GLRB: variants seen among roughly 807,000 people sequenced by gnomAD.
The protein encoded by GLRB is glycine receptor subunit beta.
Under a neutral mutation model 54.2 loss-of-function variants are expected in GLRB, and 33 were observed. The observed-to-expected ratio is 0.61, with a 90% confidence interval of 0.46 to 0.81. The LOEUF (loss-of-function observed/expected upper bound fraction) is 0.81, where lower values mean the gene tolerates loss of function less well. Ranked by LOEUF, GLRB falls within the 40% of genes least tolerant of loss-of-function variation. The pLI, the probability that GLRB is intolerant of heterozygous loss-of-function variation, is 0.00. For synonymous variants in GLRB, 209 were observed against 208.2 expected (o/e 1.00, Z -0.03); for missense variants, 572 against 584.6 (o/e 0.98, Z 0.22).
intron 4 of GLRB, among the ~76,000 whole-genome samples, chr4:157,128,263 G>A (rs1213989706): frequency 6.6e-6 from 1 of 151,662 alleles, no homozygotes; most frequent in African/African-American, 2.4e-5. Context: ...GTACGTACAT[G>A]AAACTCAACA....
chr4:157,115,475 A>C (rs1735577422), intron 2 of GLRB, among the ~76,000 whole-genome samples: 1 of 151,676 alleles, frequency 6.6e-6, no homozygotes, highest in Non-Finnish European at 1.5e-5. Context: ...GGAATCTTCC[A>C]TCTAAAACCT....
intron 2 of GLRB, among the ~76,000 whole-genome samples, chr4:157,102,491 C>G (rs933116132): frequency 1.3e-5 from 2 of 152,086 alleles, no homozygotes; most frequent in Non-Finnish European, 2.9e-5. Flanking sequence ...CGGGGTTTAT[C>G]TGTCTTGTTG....
intron 4 of GLRB, among the ~76,000 whole-genome samples, chr4:157,133,688 T>A (rs546253160): frequency 1.3e-5 from 2 of 152,000 alleles, no homozygotes; most frequent in Non-Finnish European, 2.9e-5. Flanking sequence ...AATAAATGTT[T>A]TCTGAAAGTC....
In GLRB at chr4:157,170,713, G is replaced by T. The variant is rs2126638209; in HGVS notation, c.1479G>T (p.Trp493Cys). Reference sequence around the variant, plus strand: ...TCTTGTTCTTCAATGTTATATATTGGTCTATATATTTATGATAAATCTTTT... The same window carrying T: ...TCTTGTTCTTCAATGTTATATATTGTTCTATATATTTATGATAAATCTTTT... ...FCFLFFNVIY[W>C]SIYL is the part of the protein sequence containing the mutation. The change falls in exon 10 of 10, where the codon TGG becomes TGT. Residue 493 changes from tryptophan (W) to cysteine (C), a missense_variant. Trp to Cys is a radical substitution (Grantham distance 215). Coordinates refer to ENST00000264428, the MANE Select transcript of GLRB (RefSeq NM_000824.5). 6.6e-6 allele frequency: 10 copies of T among 1,519,258 alleles called. No individual in the cohort carries two copies. Among genetic ancestry groups the T allele is most frequent in the Non-Finnish European group, 9.0e-6 (10 of 1,112,392 alleles). 94.1% of individuals were successfully genotyped at this position (1,519,258 alleles called of 1,614,324 possible).
intron 2 of GLRB, among the ~76,000 whole-genome samples, chr4:157,086,024 T>A (rs1734398988): frequency 1.3e-5 from 2 of 152,118 alleles, no homozygotes; most frequent in African/African-American, 4.8e-5. Flanking sequence ...TGGAGTTCAG[T>A]GGTGTGATCA....
At chr4:157,163,000 A>G (rs1276697162) in intron 9 of GLRB, among the ~76,000 whole-genome samples, 1 of 152,174 alleles carries the variant, frequency 6.6e-6, no homozygotes, top group Admixed American at 6.5e-5. Flanking sequence ...TGAGCTTCTC[A>G]GCCACTTTGT....
At chr4:157,157,144 G>A (rs1245827580) in intron 9 of GLRB, among the ~76,000 whole-genome samples, 1 of 152,090 alleles carries the variant, frequency 6.6e-6, no homozygotes, top group African/African-American at 2.4e-5. Flanking sequence ...ACCCTCCAGG[G>A]CCCCCTGTGA....
intron 2 of GLRB, among the ~76,000 whole-genome samples, chr4:157,115,315 T>TA (rs34651220): frequency 0.22 from 31,769 of 147,494 alleles, 4,082 homozygotes; most frequent in African/African-American, 0.36. Flanking sequence ...ACCTGCTCTT[T>TA]AAAAAAAAAT....
chr4:157,148,017 C>T (rs2126592600), intron 8 of GLRB, among the ~76,000 whole-genome samples: 1 of 152,202 alleles, frequency 6.6e-6, no homozygotes, highest in Admixed American at 6.5e-5. Context: ...GATCCCTGGT[C>T]CATAGTATCA....
chr4:157,129,734 G>A (rs1453819212), intron 4 of GLRB, among the ~76,000 whole-genome samples: 1 of 151,388 alleles, frequency 6.6e-6, no homozygotes, highest in Non-Finnish European at 1.5e-5. Context: ...CAAAATAATT[G>A]GGGTAGAGAC....
chr4:157,127,483 T>C (rs1159002201), intron 4 of GLRB, among the ~76,000 whole-genome samples: 1 of 151,942 alleles, frequency 6.6e-6, no homozygotes, highest in African/African-American at 2.4e-5. Context: ...ATATGAAATT[T>C]CTAATCTCAC....
intron 8 of GLRB, among the ~76,000 whole-genome samples, chr4:157,148,183 C>T (rs767841391): frequency 6.6e-6 from 1 of 152,054 alleles, no homozygotes; most frequent in African/African-American, 2.4e-5. Context: ...GTTCGTAGTA[C>T]TCCCTTTTCC....
At chr4:157,127,728 G>C (rs991159902) in intron 4 of GLRB, among the ~76,000 whole-genome samples, 5 of 151,788 alleles carry the variant, frequency 3.3e-5, no homozygotes, top group Admixed American at 6.6e-5. Flanking sequence ...GCAAGGAAGG[G>C]ACCATGACTT....
At chr4:157,087,412 T>G (rs1349117847) in intron 2 of GLRB, among the ~76,000 whole-genome samples, 2 of 152,150 alleles carry the variant, frequency 1.3e-5, no homozygotes, top group Non-Finnish European at 2.9e-5. Flanking sequence ...GTGAAAAGTT[T>G]GATCTCAATA....
intron 9 of GLRB, among the ~76,000 whole-genome samples, chr4:157,160,090 A>G (rs1240438491): frequency 6.6e-6 from 1 of 151,900 alleles, no homozygotes; most frequent in Non-Finnish European, 1.5e-5. Context: ...GAATTTATCC[A>G]TTTCTTCTAG....
At chr4:157,161,267 G>A (rs371909783) in intron 9 of GLRB, among the ~76,000 whole-genome samples, 3 of 152,154 alleles carry the variant, frequency 2.0e-5, no homozygotes, top group African/African-American at 7.2e-5. Context: ...ACACTGATGG[G>A]TCTTGACTCT....
At chr4:157,099,456 C>T (rs1376756410) in intron 2 of GLRB, among the ~76,000 whole-genome samples, 2 of 151,940 alleles carry the variant, frequency 1.3e-5, no homozygotes, top group African/African-American at 4.8e-5. Context: ...CCTGCCTCAG[C>T]CTCACGAGTA....
In GLRB at chr4:157,170,780, C is replaced by T. The variant is rs1307797719; in HGVS notation, c.*52C>T. On this transcript the variant is annotated 3_prime_UTR_variant, in exon 10 of 10. Coordinates refer to ENST00000264428, the MANE Select transcript of GLRB (RefSeq NM_000824.5). ...AAATTCCATTTCATTGTGACCTACTCCTTTCATAAATGCCAATCTGTGAGA... is the reference window on the plus strand; with the variant it reads ...AAATTCCATTTCATTGTGACCTACTTCTTTCATAAATGCCAATCTGTGAGA... 1 of 1,041,430 alleles carries T rather than the reference C, an allele frequency of 9.6e-7. No individual in the cohort carries two copies. Among genetic ancestry groups the T allele is most frequent in the African/African-American group, 1.6e-5 (1 of 62,254 alleles). The allele number at this position is 1,041,430 out of a possible 1,614,324, so 64.5% of individuals were successfully genotyped here.
chr4:157,165,669 T>C (rs1579257467), intron 9 of GLRB, among the ~76,000 whole-genome samples: 1 of 152,140 alleles, frequency 6.6e-6, no homozygotes, highest in East Asian at 1.9e-4. Flanking sequence ...TTTTCAGTCA[T>C]TCCAATATCT....
Sources: allele counts gnomAD v4.1 joint callset (sites outside exome capture counted in the v4.1 genomes callset), GRCh38; gene constraint gnomAD v4.1.1; transcripts MANE v1.5; gene names NCBI Gene and HGNC (gene_info 2026-07-23, HGNC 2026-07-21).